TRPC7: variants seen among roughly 807,000 people sequenced by gnomAD.
TRPC7 encodes the protein transient receptor potential cation channel subfamily C member 7.
TRPC7 carries 42 observed loss-of-function variants against 90.1 expected under a neutral mutation model. The ratio of observed to expected loss-of-function variants is 0.47; its 90% confidence interval spans 0.36 to 0.60. The LOEUF (loss-of-function observed/expected upper bound fraction) is 0.60, where lower values mean the gene tolerates loss of function less well. TRPC7 is among the 20% of genes least tolerant of loss of function. The pLI is 0.00. For missense variants in TRPC7, 955 were observed against 1,112.3 expected, an observed-to-expected ratio of 0.86 and a Z score of 2.01; for synonymous variants, 451 against 436.3, an observed-to-expected ratio of 1.03 and a Z score of -0.42.
At chr5:136,288,217 C>T (rs888812744) in intron 3 of TRPC7, among the ~76,000 whole-genome samples, 2 of 151,974 alleles carry the variant, frequency 1.3e-5, no homozygotes, top group African/African-American at 4.8e-5. Context: ...TGAACTACAC[C>T]AAGCAGCAGT....
At chr5:136,355,534 C>T (rs1440615773) in intron 2 of TRPC7, among the ~76,000 whole-genome samples, 1 of 152,186 alleles carries the variant, frequency 6.6e-6, no homozygotes, top group Non-Finnish European at 1.5e-5. Context: ...TGTGGTGGCT[C>T]ACGCCTATAA....
At chr5:136,224,282 T>C (rs1003807589) in intron 10 of TRPC7, among the ~76,000 whole-genome samples, 8 of 152,208 alleles carry the variant, frequency 5.3e-5, no homozygotes, top group Admixed American at 3.9e-4. Flanking sequence ...CATCTGTAGC[T>C]ATCGTTTATC....
At chr5:136,303,659 G>T (rs540282226) in intron 3 of TRPC7, 1 of 151,968 alleles carries the variant, frequency 6.6e-6, no homozygotes, top group Non-Finnish European at 1.5e-5. Flanking sequence ...TGTCCCATCT[G>T]TGTGGGACCC....
At chr5:136,355,737 G>A (rs1760348664) in intron 2 of TRPC7, among the ~76,000 whole-genome samples, 1 of 152,222 alleles carries the variant, frequency 6.6e-6, no homozygotes, top group Non-Finnish European at 1.5e-5. Context: ...GGCAGAGCTT[G>A]CAGTGAGCCA....
chr5:136,351,973 T>A (rs1760206176), intron 2 of TRPC7, among the ~76,000 whole-genome samples: 1 of 152,218 alleles, frequency 6.6e-6, no homozygotes, highest in Admixed American at 6.5e-5. Context: ...ATTCTTCCCC[T>A]CTGAAGTCTC....
At chr5:136,315,878 G>T in intron 2 of TRPC7, 99 bp from the exon 3 acceptor site, 2 of 1,181,022 alleles carry the variant, frequency 1.7e-6, no homozygotes, top group Non-Finnish European at 2.4e-6. Context: ...CACCACATGT[G>T]ACCTTATGGA....
chr5:136,252,334 T>C (rs532438917), intron 5 of TRPC7, among the ~76,000 whole-genome samples: 1 of 152,184 alleles, frequency 6.6e-6, no homozygotes, highest in Non-Finnish European at 1.5e-5. Context: ...ATGGTTTTTT[T>C]TGGACATAGA....
chr5:136,291,168 T>G (rs1010375217), intron 3 of TRPC7, among the ~76,000 whole-genome samples: 1 of 152,190 alleles, frequency 6.6e-6, no homozygotes, highest in African/African-American at 2.4e-5. Context: ...GAACAACTGG[T>G]ACCAGCCACT....
In TRPC7 at chr5:136,225,907, G is replaced by A. The variant is rs557077954; in HGVS notation, c.2262+127C>T. On this transcript the variant is annotated intron_variant, in intron 9 of 11. Coordinates refer to ENST00000513104, the MANE Select transcript of TRPC7 (RefSeq NM_020389.3). ...GTCCAGGTAGACTCTACAGAGTACC[G>A]GCCCTCCCAGCTCCTGGCTCCCCTT... 6.1e-5 allele frequency: 45 copies of A among 738,110 alleles called. No homozygotes were observed. The Admixed American group carries it at 7.3e-4, about 12-fold the overall frequency. The allele number at this position is 738,110 out of a possible 1,614,324, so 45.7% of individuals were successfully genotyped here. A position where few individuals can be genotyped will look rare whatever the true frequency, so the allele number is the denominator to read the frequency against.
intron 1 of TRPC7, among the ~76,000 whole-genome samples, chr5:136,364,308 T>C (rs1018726194): frequency 6.6e-6 from 1 of 152,242 alleles, no homozygotes; most frequent in Non-Finnish European, 1.5e-5. Context: ...TGGAAATAAA[T>C]ATTTATGAAA....
intron 4 of TRPC7, among the ~76,000 whole-genome samples, chr5:136,267,358 TA>T (rs1757068130): frequency 6.6e-6 from 1 of 152,190 alleles, no homozygotes; most frequent in African/African-American, 2.4e-5. Context: ...CACCAAGCCC[TA>T]CCCCTCATCC....
intron 10 of TRPC7, among the ~76,000 whole-genome samples, chr5:136,223,781 G>A (rs1360350123): frequency 6.6e-6 from 1 of 152,094 alleles, no homozygotes; most frequent in Admixed American, 6.6e-5. Flanking sequence ...TAACCCATTG[G>A]GTATCTATCT....
intron 3 of TRPC7, among the ~76,000 whole-genome samples, chr5:136,315,270 A>G (rs1212540865): frequency 6.6e-6 from 1 of 152,166 alleles, no homozygotes; most frequent in African/African-American, 2.4e-5. Context: ...CTGTGTTGCT[A>G]ACTGATAGGA....
intron 7 of TRPC7, among the ~76,000 whole-genome samples, chr5:136,233,144 A>G (rs1271657380): frequency 6.6e-6 from 1 of 152,036 alleles, no homozygotes; most frequent in Non-Finnish European, 1.5e-5. Flanking sequence ...CCCTATGCAC[A>G]CTCTTCAGAG....
intron 3 of TRPC7, among the ~76,000 whole-genome samples, chr5:136,290,393 A>C (rs1312176621): frequency 6.6e-6 from 1 of 152,228 alleles, no homozygotes; most frequent in Admixed American, 6.5e-5. Context: ...AAAACTTTGA[A>C]AAAAAATCAG....
chr5:136,299,336 TGTGC>T (rs1348727957), intron 3 of TRPC7, among the ~76,000 whole-genome samples: 3 of 95,440 alleles, frequency 3.1e-5, no homozygotes, highest in Non-Finnish European at 6.6e-5. Context: ...GACTGGGGTG[TGTGC>T]GTGTGTGTGT....
At chr5:136,288,675 C>T (rs977728263) in intron 3 of TRPC7, among the ~76,000 whole-genome samples, 6 of 152,302 alleles carry the variant, frequency 3.9e-5, no homozygotes, top group Admixed American at 2.6e-4. Flanking sequence ...GCCGTTTGCT[C>T]ACATCATGCT....
chr5:136,251,916 C>T (rs764236531), intron 5 of TRPC7, 34 bp from the exon 6 acceptor site: 3 of 1,586,044 alleles, frequency 1.9e-6, no homozygotes, highest in South Asian at 1.1e-5. Context: ...GCTCACTTTT[C>T]GTTTCTCTTG....
intron 8 of TRPC7, among the ~76,000 whole-genome samples, chr5:136,228,367 G>A (rs185990623): frequency 1.3e-5 from 2 of 152,014 alleles, no homozygotes; most frequent in East Asian, 1.9e-4. Context: ...TGAGGATGCC[G>A]GCAGTAAGGA....
Sources: allele counts gnomAD v4.1 joint callset (sites outside exome capture counted in the v4.1 genomes callset), GRCh38; gene constraint gnomAD v4.1.1; transcripts MANE v1.5; gene names NCBI Gene and HGNC (gene_info 2026-07-23, HGNC 2026-07-21).